The following RASAL2 variants were observed in gnomAD, a reference collection of about 807,000 sequenced individuals.
RASAL2 encodes the protein ras GTPase-activating protein nGAP.
Under a neutral mutation model 128.9 loss-of-function variants are expected in RASAL2, and 58 were observed. The ratio of observed to expected loss-of-function variants is 0.45; its 90% CI spans 0.36 to 0.56. RASAL2 has a LOEUF of 0.56. Among genes scored for constraint, RASAL2 ranks in the 20% least tolerant of loss-of-function variants. The pLI, the probability that RASAL2 is intolerant of heterozygous loss-of-function variation, is 0.00. For synonymous variants in RASAL2, 561 were observed against 580.8 expected (o/e 0.97, Z 0.49); for missense variants, 1,360 against 1,601.6 (o/e 0.85, Z 2.57).
chr1:178,184,605 TCCTTTTGTCAAAAA>T (rs1431473089), intron 1 of RASAL2, among the ~76,000 whole-genome samples: 1 of 152,064 alleles, frequency 6.6e-6, no homozygotes, highest in Non-Finnish European at 1.5e-5. Flanking sequence ...ATTACTTGTT[TCCTTTTGTCAAAAA>T]CCAGTTAACT....
intron 3 of RASAL2, among the ~76,000 whole-genome samples, chr1:178,384,446 G>T (rs1299402077): frequency 6.6e-6 from 1 of 151,908 alleles, no homozygotes; most frequent in African/African-American, 2.4e-5. Context: ...TATCTCAGGG[G>T]CTACAGCAAA....
chr1:178,311,820 C>G (rs1370509421), intron 3 of RASAL2, among the ~76,000 whole-genome samples: 2 of 147,350 alleles, frequency 1.4e-5, no homozygotes, highest in East Asian at 4.0e-4. Context: ...CTAAAACATA[C>G]AAAAAAAGAA....
intron 3 of RASAL2, among the ~76,000 whole-genome samples, chr1:178,319,341 G>C (rs1295090947): frequency 1.3e-5 from 2 of 151,890 alleles, no homozygotes; most frequent in Non-Finnish European, 2.9e-5. Context: ...ACGTTGGCCT[G>C]CCTTGCTAGA....
chr1:178,214,885 A>G (rs1226163273), intron 1 of RASAL2, among the ~76,000 whole-genome samples: 1 of 152,134 alleles, frequency 6.6e-6, no homozygotes, highest in Non-Finnish European at 1.5e-5. Context: ...TTTATTTTGC[A>G]TTTATCCCTA....
rs115281133 is a variant in RASAL2, at chr1:178,208,568, A to G, written c.203-74996A>G. Reference sequence around the variant, plus strand: ...TTTAAGATGTTTATCAATAGAATACATGCACTGCTGAACATAGACCCTTAT... The same window carrying G: ...TTTAAGATGTTTATCAATAGAATACGTGCACTGCTGAACATAGACCCTTAT... On this transcript the variant is annotated intron_variant, in intron 1 of 17. Transcript: ENST00000367649. Among the ~76,000 whole-genome samples, 1,377 of 152,342 alleles carry G rather than the reference A, an allele frequency of 9.0e-3. 22 individuals are homozygous for G. The highest frequency in any genetic ancestry group is 0.031 in the African/African-American group (1,295 of 41,570).
At chr1:178,456,576 A>T in intron 12 of RASAL2, 145 bp from the exon 13 acceptor site, 1 of 832,558 alleles carries the variant, frequency 1.2e-6, no homozygotes, top group East Asian at 2.4e-5. Context: ...ACAATGCATT[A>T]TGAACCTGCC....
chr1:178,191,338 GAATA>G (rs895336752), intron 1 of RASAL2, among the ~76,000 whole-genome samples: 10 of 149,004 alleles, frequency 6.7e-5, no homozygotes, highest in African/African-American at 2.5e-4. Context: ...TAATATAAAT[GAATA>G]GATAAATGAA....
chr1:178,297,110 G>A (rs991777799), intron 2 of RASAL2, among the ~76,000 whole-genome samples: 3 of 151,900 alleles, frequency 2.0e-5, no homozygotes, highest in Non-Finnish European at 4.4e-5. Context: ...ATTTTTATGA[G>A]GAATTCAGTA....
intron 1 of RASAL2, among the ~76,000 whole-genome samples, chr1:178,269,456 C>A (rs571320426): frequency 6.6e-6 from 1 of 152,184 alleles, no homozygotes; most frequent in East Asian, 1.9e-4. Context: ...CTGAAACTTA[C>A]CAGGCTGCAT....
intron 9 of RASAL2, among the ~76,000 whole-genome samples, chr1:178,445,951 T>A (rs182073705): frequency 3.7e-4 from 56 of 152,178 alleles, no homozygotes; most frequent in Non-Finnish European, 6.3e-4. Flanking sequence ...AGATCTGAGG[T>A]GGTCTGTTTT....
rs564820760 is a variant in RASAL2 at position 178,103,948 on chromosome 1, T to C, written c.202+9254T>C. 9.2e-5 allele frequency among the ~76,000 whole-genome samples: 14 copies of C among 152,246 alleles called. 1 individual carries two copies. In the South Asian group the frequency reaches 2.9e-3, roughly 32 times the overall value. ...AGAATGGGCTTTCCTGGGAGTTCTC[T>C]GGACCTTTATTTTGTAACCTCAGAA... On this transcript the variant is annotated intron_variant, in intron 1 of 17. Transcript: ENST00000367649.
At chr1:178,186,992 T>C (rs1322457579) in intron 1 of RASAL2, among the ~76,000 whole-genome samples, 1 of 151,954 alleles carries the variant, frequency 6.6e-6, no homozygotes, top group Non-Finnish European at 1.5e-5. Flanking sequence ...CCTTACCAAT[T>C]GTTCATTTTT....
At chr1:178,398,383 T>C (rs1673386316) in intron 4 of RASAL2, among the ~76,000 whole-genome samples, 1 of 152,216 alleles carries the variant, frequency 6.6e-6, no homozygotes, top group African/African-American at 2.4e-5. Flanking sequence ...GTTTCTTCTA[T>C]AAATTCATAC....
At chr1:178,138,240 T>C (rs78513446) in intron 1 of RASAL2, among the ~76,000 whole-genome samples, 5 of 152,180 alleles carry the variant, frequency 3.3e-5, no homozygotes, top group African/African-American at 1.2e-4. Flanking sequence ...TGGCTACCTT[T>C]ATAAAAAAGA....
At chr1:178,158,189 C>T (rs978708579) in intron 1 of RASAL2, among the ~76,000 whole-genome samples, 1 of 152,184 alleles carries the variant, frequency 6.6e-6, no homozygotes, top group African/African-American at 2.4e-5. Context: ...CCCCATTTGA[C>T]ATTTTTGAGT....
At chr1:178,433,896 A>C (rs12088822) in intron 5 of RASAL2, among the ~76,000 whole-genome samples, 1 of 151,650 alleles carries the variant, frequency 6.6e-6, no homozygotes. Context: ...CAGCCTGGGC[A>C]ACAAGAGAGA....
Position 178,466,058 on chromosome 1 carries a change from A to G in RASAL2, c.3526A>G (p.Ser1176Gly), listed in dbSNP as rs1465324312. Reference protein sequence around the residue: ...LLEYKARLEDSEERLRRQQEE... With the variant: ...LLEYKARLEDGEERLRRQQEE... ...GGAATACAAGGCCCGACTGGAGGAC[A>G]GCGAGGAGCGGCTCCGAAGACAGCA... The change falls in exon 16 of 18, where the codon AGC becomes GGC. Residue 1176 changes from serine to glycine, a missense_variant. Around this residue, in one of 3 missense-constraint regions of RASAL2, gnomAD observed 741 missense variants for 868.6 expected, o/e 0.85. Coordinates refer to ENST00000367649, the MANE Select transcript of RASAL2 (RefSeq NM_170692.4). 1 of 1,583,270 alleles carries G rather than the reference A, an allele frequency of 6.3e-7. No individual in the cohort carries two copies. The highest frequency in any genetic ancestry group is 1.8e-5 in the Admixed American group (1 of 56,498).
intron 3 of RASAL2, among the ~76,000 whole-genome samples, chr1:178,321,748 G>C (rs1424992691): frequency 1.3e-5 from 2 of 151,824 alleles, no homozygotes; most frequent in African/African-American, 4.8e-5. Flanking sequence ...CAGCACTTTG[G>C]GAGGCCAAGG....
At chr1:178,404,092 G>T (rs959067031) in intron 4 of RASAL2, among the ~76,000 whole-genome samples, 1 of 151,842 alleles carries the variant, frequency 6.6e-6, no homozygotes, top group Admixed American at 6.6e-5. Flanking sequence ...CGGGCATGGT[G>T]GTGGGCGCCT....
Sources: gnomAD v4.1 joint callset for allele counts (sites outside exome capture counted in the v4.1 genomes callset) on GRCh38, gnomAD v4.1.1 for gene constraint, gnomAD v4.1.1 regional missense constraint, MANE v1.5 for transcripts, NCBI Gene and HGNC (gene_info 2026-07-23, HGNC 2026-07-21) for gene names.